The following WIPF1 variants were observed in gnomAD, a reference collection of about 807,000 sequenced individuals.
The protein encoded by WIPF1 is WAS/WASL-interacting protein family member 1.
A neutral mutation model predicts 35.4 loss-of-function variants in WIPF1; 13 were observed. The ratio of observed to expected loss-of-function variants is 0.37; its 90% confidence interval spans 0.24 to 0.58. WIPF1 has a LOEUF of 0.58. WIPF1 is among the 20% of genes least tolerant of loss of function. WIPF1 has a pLI of 0.74. For synonymous variants in WIPF1, 267 were observed against 266.3 expected, an observed-to-expected ratio of 1.00 and a Z score of -0.02; for missense variants, 591 against 667.0, an observed-to-expected ratio of 0.89 and a Z score of 1.25.
intron 1 of WIPF1, among the ~76,000 whole-genome samples, chr2:174,616,488 G>A (rs976409631): frequency 1.3e-5 from 2 of 152,040 alleles, no homozygotes; most frequent in Non-Finnish European, 2.9e-5. Context: ...CTCCCCTGCT[G>A]AGGCCTTTCC....
intron 5 of WIPF1, 67 bp from the exon 6 acceptor site, chr2:174,568,140 G>A: frequency 6.6e-7 from 1 of 1,508,346 alleles, no homozygotes; most frequent in Non-Finnish European, 8.9e-7. Flanking sequence ...GTCACCATTG[G>A]TGTACAGCTG....
At chr2:174,566,353 A>G (rs1466675387) in intron 7 of WIPF1, 2 of 152,238 alleles carry the variant, frequency 1.3e-5, no homozygotes, top group African/African-American at 2.4e-5. Flanking sequence ...TCAATGGAGG[A>G]AAAGCAATTT....
In WIPF1 at chr2:174,560,250, C is replaced by CAGT. The variant is rs1466763576; in HGVS notation, c.*2294_*2296dup. On this transcript the variant is annotated 3_prime_UTR_variant, in exon 8 of 8. Coordinates refer to ENST00000679041, the MANE Select transcript of WIPF1 (RefSeq NM_001375834.1). Reference sequence around the variant, plus strand: ...AAAGGGTGTAGGTGTATTAATGAAACAGTCACTTAAACACTACATTCTAAA... The same window carrying CAGT: ...AAAGGGTGTAGGTGTATTAATGAAACAGTAGTCACTTAAACACTACATTCTAAA... 3 of 152,608 alleles carry CAGT rather than the reference C, an allele frequency of 2.0e-5. No individual in the cohort carries two copies. Among genetic ancestry groups the CAGT allele is most frequent in the Admixed American group, 6.5e-5 (1 of 15,270 alleles). The allele number at this position is 152,608 out of a possible 1,614,324, so 9.5% of individuals were successfully genotyped here.
chr2:174,658,687 T>C (rs1261423949), intron 1 of WIPF1, among the ~76,000 whole-genome samples: 1 of 151,792 alleles, frequency 6.6e-6, no homozygotes, highest in Non-Finnish European at 1.5e-5. Context: ...TAAAACAGTG[T>C]GAGGCAGCTT....
At chr2:174,576,932 A>G (rs1337062201) in intron 3 of WIPF1, among the ~76,000 whole-genome samples, 1 of 152,208 alleles carries the variant, frequency 6.6e-6, no homozygotes, top group Non-Finnish European at 1.5e-5. Flanking sequence ...TAAATAGTAT[A>G]TGAAATCTAC....
At chr2:174,595,884 T>C (rs1391713072) in intron 1 of WIPF1, among the ~76,000 whole-genome samples, 2 of 152,184 alleles carry the variant, frequency 1.3e-5, no homozygotes, top group Non-Finnish European at 2.9e-5. Context: ...TTGGACAAAA[T>C]GAGTCAAACC....
intron 1 of WIPF1, chr2:174,655,734 C>A (rs968236375): frequency 1.2e-4 from 18 of 152,490 alleles, no homozygotes; most frequent in African/African-American, 4.3e-4. Context: ...CCCAGACACC[C>A]AACAGTTTTT....
chr2:174,575,194 CT>C lies in WIPF1; in HGVS notation c.358+9del, dbSNP rs1337310244. 6.3e-7 allele frequency: 1 copy of C among 1,597,544 alleles called. No individual in the cohort carries two copies. The highest frequency in any genetic ancestry group is 1.3e-5 in the African/African-American group (1 of 74,528). On this transcript the variant is annotated intron_variant, in intron 4 of 7. Transcript: ENST00000679041. ...CTTCAGTCACTCAGAGACAGGGAAA[CT>C]CTCCTTACCATTATCCCTGTTGGCC...
chr2:174,642,021 G>C (rs370348466), intron 1 of WIPF1, among the ~76,000 whole-genome samples: 2 of 152,076 alleles, frequency 1.3e-5, no homozygotes, highest in African/African-American at 4.8e-5. Flanking sequence ...TTGCTATAGA[G>C]AGATTTACCA....
upstream of WIPF1, among the ~76,000 whole-genome samples, chr2:174,602,176 G>A (rs570221123): frequency 6.6e-5 from 10 of 152,184 alleles, no homozygotes; most frequent in Admixed American, 1.3e-4. Context: ...CAATAGGCTC[G>A]CAGACCAATC....
chr2:174,641,414 T>C (rs556318368), intron 1 of WIPF1, among the ~76,000 whole-genome samples: 1 of 152,290 alleles, frequency 6.6e-6, no homozygotes, highest in African/African-American at 2.4e-5. Context: ...TTGCTTCTGC[T>C]TTCCTACTGA....
rs7590328 is a variant in WIPF1, at chr2:174,622,539, C to A, written c.-38-36928G>T. 0.79 allele frequency among the ~76,000 whole-genome samples: 120,316 copies of A among 152,122 alleles called. 47,890 individuals are homozygous for A. The highest frequency in any genetic ancestry group is 0.97 in the East Asian group (5,047 of 5,180). ...ACTGTTCTTGGGGAAGGGAAAGGAACGTAACACTATAGGATCCCCTCTCTA... is the reference window on the plus strand; with the variant it reads ...ACTGTTCTTGGGGAAGGGAAAGGAAAGTAACACTATAGGATCCCCTCTCTA... On this transcript the variant is annotated intron_variant, in intron 1 of 8. Transcript: ENST00000272746. This position sits in a 1 kb window ranked among gnomAD's most constrained non-coding sequence, Gnocchi z 5.1.
chr2:174,585,800 G>A (rs866423158), intron 1 of WIPF1, among the ~76,000 whole-genome samples, 189 bp from the exon 2 acceptor site: 3 of 152,146 alleles, frequency 2.0e-5, no homozygotes, highest in South Asian at 4.1e-4. Context: ...CTTCTGACCC[G>A]AGGTGCTTGG....
intron 1 of WIPF1, among the ~76,000 whole-genome samples, chr2:174,667,095 A>AT (rs1687908676): frequency 6.6e-6 from 1 of 152,102 alleles, no homozygotes; most frequent in Non-Finnish European, 1.5e-5. Context: ...TAAGCTTTTT[A>AT]TTTTGTCCTT....
At chr2:174,650,322 G>C (rs1335008453) in intron 1 of WIPF1, among the ~76,000 whole-genome samples, 1 of 152,192 alleles carries the variant, frequency 6.6e-6, no homozygotes, top group Non-Finnish European at 1.5e-5. Flanking sequence ...ACTGAGAACA[G>C]AGGAATCCCT....
In WIPF1 at chr2:174,562,082, G is replaced by C. The variant is rs1291246183; in HGVS notation, c.*465C>G. The C allele has an allele frequency of 1.2e-5, 19 of 1,550,508 alleles. No homozygotes were observed. The East Asian group carries it at 4.2e-4, about 34-fold the overall frequency. ...GCCAAAGATTGGACATCCTGTGACT[G>C]CAAGTTTCCAGTGAGCCCTTACTCA... On this transcript the variant is annotated 3_prime_UTR_variant, in exon 8 of 8. Transcript: ENST00000679041.
intron 1 of WIPF1, among the ~76,000 whole-genome samples, chr2:174,626,716 T>C (rs1157222869): frequency 2.0e-5 from 3 of 152,314 alleles, no homozygotes; most frequent in East Asian, 1.9e-4. Context: ...ACCTTCAAAA[T>C]AACCAGACTC....
intron 1 of WIPF1, among the ~76,000 whole-genome samples, chr2:174,654,271 G>C (rs1220720855): frequency 6.6e-6 from 1 of 151,982 alleles, no homozygotes; most frequent in African/African-American, 2.4e-5. Flanking sequence ...AAATCACTTG[G>C]GAATAGACAA....
chr2:174,608,583 A>G (rs1403779954), intron 1 of WIPF1, among the ~76,000 whole-genome samples: 2 of 152,128 alleles, frequency 1.3e-5, no homozygotes, highest in Admixed American at 6.6e-5. Flanking sequence ...AGCATCCAAT[A>G]TAAGTGGCCC....
Sources: allele counts gnomAD v4.1 joint callset (sites outside exome capture counted in the v4.1 genomes callset), GRCh38; gene constraint gnomAD v4.1.1; non-coding constraint Gnocchi (gnomAD v3.1); transcripts MANE v1.5; gene names NCBI Gene and HGNC (gene_info 2026-07-23, HGNC 2026-07-21).